NDC80: variants seen among roughly 807,000 people sequenced by gnomAD.
NDC80 encodes kinetochore protein NDC80 homolog.
Under a neutral mutation model 89.3 loss-of-function variants are expected in NDC80, and 69 were observed. The observed-to-expected ratio is 0.77, with a 90% CI of 0.64 to 0.94. The LOEUF (loss-of-function observed/expected upper bound fraction) is 0.94, where lower values mean the gene tolerates loss of function less well. Ranked by LOEUF, NDC80 falls within the 40% of genes least tolerant of loss-of-function variation. NDC80 has a pLI of 0.00. For missense variants in NDC80, 593 were observed against 739.6 expected (o/e 0.80, Z 2.30); for synonymous variants, 243 against 255.6 (o/e 0.95, Z 0.47).
intron 10 of NDC80, among the ~76,000 whole-genome samples, chr18:2,590,715 A>G (rs1313534779): frequency 6.6e-6 from 1 of 152,220 alleles, no homozygotes; most frequent in Non-Finnish European, 1.5e-5. Flanking sequence ...GTTTCCAGAG[A>G]TAGAACTTTA....
chr18:2,575,202 T>G (rs1490431402), intron 3 of NDC80, 136 bp downstream of exon 3: 1 of 679,972 alleles, frequency 1.5e-6, no homozygotes, highest in African/African-American at 1.8e-5. Flanking sequence ...TGATTTTAAA[T>G]GGTTAAAATT....
intron 7 of NDC80, among the ~76,000 whole-genome samples, chr18:2,586,546 A>G (rs1415389938): frequency 6.6e-6 from 1 of 152,146 alleles, no homozygotes; most frequent in East Asian, 1.9e-4. Flanking sequence ...CCTAAGCAAC[A>G]TGGCGAAACC....
At chr18:2,581,802 T>C (rs2072579390) in intron 6 of NDC80, among the ~76,000 whole-genome samples, 1 of 152,234 alleles carries the variant, frequency 6.6e-6, no homozygotes, top group Non-Finnish European at 1.5e-5. Context: ...ATCTAGAAGA[T>C]GAACATTCTT....
At chr18:2,595,229 T>TTATG (rs142641390) in intron 10 of NDC80, among the ~76,000 whole-genome samples, 187 bp from the exon 11 acceptor site, 1 of 146,600 alleles carries the variant, frequency 6.8e-6, no homozygotes, top group Admixed American at 6.9e-5. Context: ...ACTTTGAAAT[T>TTATG]TATATATATA....
chr18:2,587,718 CTTAG>C, intron 7 of NDC80, 108 bp from the exon 8 acceptor site: 1 of 780,582 alleles, frequency 1.3e-6, no homozygotes, highest in South Asian at 1.6e-5. Flanking sequence ...CATCTGACTA[CTTAG>C]TATTTCTGAC....
Position 2,589,370 on chromosome 18 carries a change from G to A in NDC80, c.870+60G>A, listed in dbSNP as rs938020803. 1.2e-5 allele frequency: 13 copies of A among 1,124,986 alleles called. No homozygotes were observed. The Admixed American group carries it at 2.2e-4, about 19-fold the overall frequency. 69.7% of individuals were successfully genotyped at this position (1,124,986 alleles called of 1,614,324 possible). A position where few individuals can be genotyped will look rare whatever the true frequency, so the allele number is the denominator to read the frequency against. On this transcript the variant is annotated intron_variant, in intron 9 of 16. Transcript: ENST00000261597. ...TCTTTTAGACTTTTGGGTGTCCTTGGATATTAGCTGTCTTTATCAAAATTT... is the reference window on the plus strand; with the variant it reads ...TCTTTTAGACTTTTGGGTGTCCTTGAATATTAGCTGTCTTTATCAAAATTT...
intron 7 of NDC80, among the ~76,000 whole-genome samples, chr18:2,585,999 C>A (rs77687877): frequency 6.6e-6 from 1 of 152,076 alleles, no homozygotes; most frequent in South Asian, 2.1e-4. Flanking sequence ...AGCCCAGAGT[C>A]GCCACTTCCA....
At chr18:2,605,270 A>ATGTGTG (rs1350615848) in intron 13 of NDC80, among the ~76,000 whole-genome samples, 31 of 98,200 alleles carry the variant, frequency 3.2e-4, no homozygotes, top group African/African-American at 9.5e-4. Context: ...GGCGGGCTAT[A>ATGTGTG]TGTATGTGTG....
At chr18:2,596,610 C>T (rs1213690828) in intron 11 of NDC80, among the ~76,000 whole-genome samples, 2 of 149,488 alleles carry the variant, frequency 1.3e-5, no homozygotes, top group Non-Finnish European at 3.0e-5. Flanking sequence ...TTGTGGAAGT[C>T]AGTGTGGCGA....
At position 2,601,505 on chromosome 18, in the gene NDC80, A is replaced by C. The variant is rs148298754; in HGVS notation, c.1464+20A>C. The C allele has an allele frequency of 3.3e-4, 364 of 1,090,360 alleles. No homozygotes were observed. In the African/African-American group the frequency reaches 5.4e-3, roughly 16 times the overall value. 67.5% of individuals were successfully genotyped at this position (1,090,360 alleles called of 1,614,324 possible). ...GAACAAGTAAGTAATAAAACATAAA[A>C]AGTCATAAAAAGTGAAAATTAGATT... On this transcript the variant is annotated intron_variant, in intron 13 of 16. Transcript: ENST00000261597.
chr18:2,589,617 A>C (rs913053325), intron 9 of NDC80, among the ~76,000 whole-genome samples: 2 of 152,232 alleles, frequency 1.3e-5, no homozygotes, highest in African/African-American at 2.4e-5. Flanking sequence ...AGGGAGCATT[A>C]GTCACAAGAA....
Position 2,595,605 on chromosome 18 carries a change from C to G in NDC80, c.1205C>G (p.Ala402Gly). The G allele has an allele frequency of 1.2e-6, 2 of 1,612,824 alleles. No homozygotes were observed. Among genetic ancestry groups the G allele is most frequent in the Non-Finnish European group, 8.5e-7 (1 of 1,179,244 alleles). Residue 402 changes from alanine (A) to glycine (G), a missense_variant, in exon 11 of 17, where the codon GCC becomes GGC. Ala to Gly is a moderately conservative substitution (Grantham distance 60). Coordinates refer to ENST00000261597, the MANE Select transcript of NDC80 (RefSeq NM_006101.3). The part of the protein sequence containing the change: ...QKLWNEELKY[A>G]RGKEAIETQL... ...TTGTGGAATGAGGAGTTAAAATATG[C>G]CAGAGGCAAAGAAGCGGTATGTCAT...
At chr18:2,613,759 C>G (rs1463325905) in intron 16 of NDC80, among the ~76,000 whole-genome samples, 1 of 152,132 alleles carries the variant, frequency 6.6e-6, no homozygotes, top group Non-Finnish European at 1.5e-5. Context: ...AAATTAAGAT[C>G]TTCTCTACAT....
chr18:2,614,635 A>AAGAAAGAAAGAAAGAAAGAG (rs2072773800), intron 16 of NDC80, among the ~76,000 whole-genome samples: 1 of 92,154 alleles, frequency 1.1e-5, no homozygotes, highest in Non-Finnish European at 2.4e-5. Flanking sequence ...GAAAGAAAGA[A>AAGAAAGAAAGAAAGAAAGAG]AGAAAGAAAG....
chr18:2,599,206 A>G, intron 12 of NDC80, 35 bp downstream of exon 12: 1 of 1,558,094 alleles, frequency 6.4e-7, no homozygotes, highest in Non-Finnish European at 8.7e-7. Context: ...GATTTTTTTA[A>G]TTCTGTGATT....
intron 12 of NDC80, among the ~76,000 whole-genome samples, chr18:2,600,501 C>T (rs767735110): frequency 6.6e-6 from 1 of 151,464 alleles, no homozygotes; most frequent in South Asian, 2.1e-4. Context: ...CCCAGCTACT[C>T]GGGAGGCTGA....
chr18:2,584,439 A>G (rs1296154011), intron 6 of NDC80, among the ~76,000 whole-genome samples: 2 of 151,628 alleles, frequency 1.3e-5, no homozygotes, highest in Non-Finnish European at 2.9e-5. Context: ...CTATTTTTTC[A>G]TGTTTTAAAT....
chr18:2,573,139 G>A, intron 2 of NDC80, 53 bp downstream of exon 2: 1 of 1,343,788 alleles, frequency 7.4e-7, no homozygotes, highest in Non-Finnish European at 1.0e-6. Context: ...CTTAGGCAAA[G>A]AAATCATAAG....
chr18:2,583,248 T>C (rs1160163495), intron 6 of NDC80, among the ~76,000 whole-genome samples: 1 of 152,238 alleles, frequency 6.6e-6, no homozygotes, highest in East Asian at 1.9e-4. Context: ...TGGGGATCTG[T>C]ATGTCCCTGT....
Sources: gnomAD v4.1 joint callset for allele counts (sites outside exome capture counted in the v4.1 genomes callset) on GRCh38, gnomAD v4.1.1 for gene constraint, MANE v1.5 for transcripts, NCBI Gene and HGNC (gene_info 2026-07-23, HGNC 2026-07-21) for gene names.